SAP18: variants seen among roughly 807,000 people sequenced by gnomAD.
SAP18 encodes Sin3A associated protein 18, also known as histone deacetylase complex subunit SAP18.
SAP18 carries 4 observed loss-of-function variants against 18.6 expected under a neutral mutation model. The ratio of observed to expected loss-of-function variants is 0.21; its 90% confidence interval spans 0.11 to 0.49. The LOEUF (loss-of-function observed/expected upper bound fraction) is 0.49. Ranked by LOEUF, SAP18 falls within the 20% of genes least tolerant of loss-of-function variation. SAP18 has a pLI of 0.98. For missense variants in SAP18, 170 were observed against 226.4 expected (o/e 0.75, Z 1.60); for synonymous variants, 112 against 82.8 (o/e 1.35, Z -1.92).
intron 2 of SAP18, among the ~76,000 whole-genome samples, chr13:21,144,405 CAAAAAAAAA>C (rs36115551): frequency 4.6e-5 from 3 of 64,640 alleles, no homozygotes; most frequent in East Asian, 5.0e-4. Flanking sequence ...GACTCCATCT[CAAAAAAAAA>C]AAAAAAAAAA....
upstream of SAP18, chr13:21,140,387 T>C (rs879732038): frequency 1.5e-6 from 1 of 670,804 alleles, no homozygotes; most frequent in Non-Finnish European, 2.5e-6. Flanking sequence ...GCTAAGCACC[T>C]CCTCCCCGCG....
At chr13:21,145,111 G>A (rs1313475736) in intron 2 of SAP18, among the ~76,000 whole-genome samples, 1 of 142,288 alleles carries the variant, frequency 7.0e-6, no homozygotes, top group Non-Finnish European at 1.5e-5. Context: ...CTGTCATCCA[G>A]GCTGGAGTGC....
chr13:21,147,156 T>A, intron 3 of SAP18, 30 bp from the exon 4 acceptor site: 1 of 1,596,036 alleles, frequency 6.3e-7, no homozygotes, highest in Non-Finnish European at 8.5e-7. Context: ...TTGATTTGGA[T>A]CCATTAACAG....
rs1224166892 is a variant in SAP18 at position 21,140,684 on chromosome 13, G to T, written c.129+3G>T. The T allele has an allele frequency of 6.2e-7, 1 of 1,610,204 alleles. No individual in the cohort carries two copies. The highest frequency in any genetic ancestry group is 8.5e-7 in the Non-Finnish European group (1 of 1,177,814). On this transcript the variant is annotated splice_donor_region_variant and intron_variant, in intron 1 of 3. Transcript: ENST00000621421. The stretch of plus-strand genomic sequence containing the variant: ...AGAAACCGATCGACCGCGAGAAGGT[G>T]AAGGCCCCCTCCGCTTTGGGGTCCG...
intron 2 of SAP18, 81 bp from the exon 3 acceptor site, chr13:21,146,724 A>G (rs1869664256): frequency 1.8e-6 from 2 of 1,113,820 alleles, no homozygotes; most frequent in African/African-American, 1.6e-5. Context: ...GATATATGTA[A>G]TTAACTCATT....
rs1869415934 is a variant in SAP18, at chr13:21,140,561, T to C, written c.9T>C (p.Ala3=). The C allele has an allele frequency of 3.1e-6, 5 of 1,595,754 alleles. No homozygotes were observed. The African/African-American group carries it at 4.0e-5, about 13-fold the overall frequency. The stretch of plus-strand genomic sequence containing the variant: ...CGAGAGACTTAGTGCTCATGCTCGC[T>C]GCAGGGGTCGGAGGTCAGGGCGAGC... The change falls in exon 1 of 4, where the codon GCT becomes GCC. Residue 3 remains alanine, a synonymous_variant. Coordinates refer to ENST00000621421, the Ensembl canonical transcript of SAP18.
At chr13:21,141,080 C>G (rs989008624) in intron 2 of SAP18, 85 bp downstream of exon 2, 8 of 863,062 alleles carry the variant, frequency 9.3e-6, no homozygotes, top group Non-Finnish European at 1.5e-5. Context: ...GAGTTATTCT[C>G]CCTGATTTCA....
chr13:21,140,942 G>A (rs1206989775), exon 2 of SAP18: 8 of 1,613,898 alleles, frequency 5.0e-6, no homozygotes, highest in Non-Finnish European at 6.8e-6. Flanking sequence ...ACCACCGAAT[G>A]GACGAGTTCT....
At chr13:21,140,599 G>C (rs570548873) in exon 1 of SAP18, 1 of 1,610,982 alleles carries the variant, frequency 6.2e-7, no homozygotes, top group Non-Finnish European at 8.5e-7. Context: ...CTCGCAGGCC[G>C]TAGGAGGAAG....
At chr13:21,147,203 G>T (rs1224924349) in exon 4 of SAP18, 2 of 1,612,946 alleles carry the variant, frequency 1.2e-6, no homozygotes, top group Non-Finnish European at 1.7e-6. Context: ...GAGATTGGCA[G>T]CACCATGTCT....
exon 3 of SAP18, chr13:21,146,814 A>C (rs1422023286): frequency 6.3e-7 from 1 of 1,595,902 alleles, no homozygotes; most frequent in Non-Finnish European, 8.5e-7. Flanking sequence ...GGATGGATGC[A>C]ACCTTGAAAG....
Position 21,140,885 on chromosome 13 carries a change from G to A in SAP18, c.130-1G>A. ...GCCCTTCCGTTTTCTCTCTCCCTCA[G>A]ACATGCCCACTGTTGCTACGGGTCT... On this transcript the variant is annotated splice_acceptor_variant, in intron 1 of 3. Transcript: ENST00000621421. LOFTEE classifies it high-confidence loss of function. 6.2e-7 allele frequency: 1 copy of A among 1,612,998 alleles called. No individual in the cohort carries two copies. The highest frequency in any genetic ancestry group is 1.3e-5 in the African/African-American group (1 of 74,952).
chr13:21,140,550 C>G (rs1205019788), exon 1 of SAP18: 5 of 1,584,912 alleles, frequency 3.2e-6, no homozygotes, highest in East Asian at 4.7e-5. Context: ...AGACTTAGTG[C>G]TCATGCTCGC....
intron 2 of SAP18, among the ~76,000 whole-genome samples, chr13:21,146,144 C>G (rs948842362): frequency 6.6e-6 from 1 of 152,088 alleles, no homozygotes; most frequent in East Asian, 1.9e-4. Flanking sequence ...GTCAGGAGTT[C>G]GAGACCAGCA....
chr13:21,141,141 A>C (rs1869451786), intron 2 of SAP18, 146 bp downstream of exon 2: 3 of 630,288 alleles, frequency 4.8e-6, no homozygotes, highest in Middle Eastern at 4.0e-4. Context: ...GGAAGTTAGA[A>C]GTTTTTGTTG....
At chr13:21,143,815 A>C (rs559728020) in intron 2 of SAP18, among the ~76,000 whole-genome samples, 1 of 152,242 alleles carries the variant, frequency 6.6e-6, no homozygotes, top group African/African-American at 2.4e-5. Context: ...AGAAGGAACA[A>C]CTTTAAGTTA....
intron 2 of SAP18, chr13:21,146,564 G>C (rs978487635): frequency 6.5e-6 from 2 of 307,182 alleles, no homozygotes; most frequent in Non-Finnish European, 1.2e-5. Flanking sequence ...AATCTCTGAA[G>C]TCCCTTTTAG....
intron 2 of SAP18, among the ~76,000 whole-genome samples, chr13:21,142,967 C>G (rs1345705457): frequency 6.6e-6 from 1 of 152,178 alleles, no homozygotes; most frequent in African/African-American, 2.4e-5. Flanking sequence ...TTTGCCTATT[C>G]TGCATATTTC....
At chr13:21,140,773 T>G (rs1595287933) in intron 1 of SAP18, 92 bp downstream of exon 1, 1 of 1,591,042 alleles carries the variant, frequency 6.3e-7, no homozygotes, top group Non-Finnish European at 8.6e-7. Context: ...GAGGAGATGG[T>G]GTTTTTGGTC....
Sources: gnomAD v4.1 joint callset for allele counts (sites outside exome capture counted in the v4.1 genomes callset) on GRCh38, gnomAD v4.1.1 for gene constraint, MANE v1.5 for transcripts, NCBI Gene and HGNC (gene_info 2026-07-23, HGNC 2026-07-21) for gene names.